Variants in SLC16A10 observed in about 807,000 individuals in gnomAD.
SLC16A10 encodes solute carrier family 16 member 10.
Under a neutral mutation model 40.0 loss-of-function variants are expected in SLC16A10, and 27 were observed. The observed-to-expected ratio is 0.67, with a 90% CI of 0.50 to 0.93. The LOEUF is 0.93. Among genes scored for constraint, SLC16A10 ranks in the 40% least tolerant of loss-of-function variants. The probability of loss-of-function intolerance (pLI) is 0.00; values close to 1 mark genes in which losing one functional copy is unlikely to be tolerated. For synonymous variants in SLC16A10, 213 were observed against 249.8 expected, an observed-to-expected ratio of 0.85 and a Z score of 1.39; for missense variants, 529 against 658.2, an observed-to-expected ratio of 0.80 and a Z score of 2.15.
chr6:111,092,997 C>T lies in SLC16A10; in HGVS notation c.343+4902C>T, dbSNP rs139475813. Among the ~76,000 whole-genome samples the T allele has an allele frequency of 7.0e-3, 1,042 of 148,798 alleles. 14 individuals carry two copies. The highest frequency in any genetic ancestry group is 0.024 in the African/African-American group (976 of 40,152). ...CAGAGGTTGTAGTGAGCCAAGATGG[C>T]GCCACTGTACTCCAGCATGGGCAAC... On this transcript the variant is annotated intron_variant, in intron 1 of 5. Coordinates refer to ENST00000368851, the MANE Select transcript of SLC16A10 (RefSeq NM_018593.5).
chr6:111,185,325 CTAT>C (rs996600103), intron 3 of SLC16A10, among the ~76,000 whole-genome samples: 6 of 152,144 alleles, frequency 3.9e-5, no homozygotes, highest in African/African-American at 1.4e-4. Flanking sequence ...AGGAGTGCTG[CTAT>C]TTTCAGCCAT....
At chr6:111,185,342 G>A (rs1772876489) in intron 3 of SLC16A10, among the ~76,000 whole-genome samples, 1 of 152,046 alleles carries the variant, frequency 6.6e-6, no homozygotes, top group African/African-American at 2.4e-5. Flanking sequence ...CAGCCATACT[G>A]GGCCTACACC....
intron 3 of SLC16A10, among the ~76,000 whole-genome samples, chr6:111,205,297 A>G (rs1773236621): frequency 6.6e-6 from 1 of 152,196 alleles, no homozygotes; most frequent in Non-Finnish European, 1.5e-5. Flanking sequence ...CCACATGGGC[A>G]CTATATGGGT....
At chr6:111,147,832 C>T (rs1023060518) in intron 1 of SLC16A10, among the ~76,000 whole-genome samples, 3 of 152,140 alleles carry the variant, frequency 2.0e-5, no homozygotes, top group Admixed American at 6.5e-5. Flanking sequence ...CCAGCACAAA[C>T]GCCATTAAGT....
chr6:111,173,946 A>G (rs1178959752), intron 2 of SLC16A10, among the ~76,000 whole-genome samples: 1 of 152,224 alleles, frequency 6.6e-6, no homozygotes, highest in Admixed American at 6.5e-5. Context: ...CTCTGGTGCC[A>G]AAAAGATTGG....
intron 1 of SLC16A10, among the ~76,000 whole-genome samples, chr6:111,157,286 T>C (rs534083878): frequency 1.3e-5 from 2 of 151,796 alleles, no homozygotes; most frequent in Non-Finnish European, 2.9e-5. Context: ...AAAACTTGGT[T>C]GTTGTTGTTG....
chr6:111,094,163 G>T (rs1017159033), intron 1 of SLC16A10, among the ~76,000 whole-genome samples: 8 of 152,156 alleles, frequency 5.3e-5, no homozygotes, highest in African/African-American at 1.7e-4. Context: ...CTTTTGATGT[G>T]ATTTGCTACA....
intron 1 of SLC16A10, among the ~76,000 whole-genome samples, chr6:111,102,504 G>T (rs958991716): frequency 6.6e-6 from 1 of 152,108 alleles, no homozygotes; most frequent in African/African-American, 2.4e-5. Context: ...AAATACAAGA[G>T]GACATATGCC....
chr6:111,181,409 A>G (rs1324418057), intron 3 of SLC16A10, among the ~76,000 whole-genome samples: 4 of 152,194 alleles, frequency 2.6e-5, no homozygotes, highest in Non-Finnish European at 4.4e-5. Context: ...GTTCTGGCAT[A>G]AAAATGGGAG....
At chr6:111,203,815 A>G (rs560494919) in intron 3 of SLC16A10, among the ~76,000 whole-genome samples, 1 of 152,118 alleles carries the variant, frequency 6.6e-6, no homozygotes, top group Non-Finnish European at 1.5e-5. Flanking sequence ...GATTTACCCA[A>G]TTTATCTTCT....
At chr6:111,196,007 A>C (rs1014206840) in intron 3 of SLC16A10, among the ~76,000 whole-genome samples, 5 of 152,300 alleles carry the variant, frequency 3.3e-5, no homozygotes, top group African/African-American at 1.2e-4. Context: ...GGAAAAAAAA[A>C]CAATAAAAAA....
intron 3 of SLC16A10, among the ~76,000 whole-genome samples, chr6:111,197,407 G>T (rs556534766): frequency 9.1e-4 from 139 of 152,264 alleles, no homozygotes; most frequent in African/African-American, 3.3e-3. Flanking sequence ...AAATCTTTAA[G>T]TTAAAATTTC....
At chr6:111,144,096 G>A (rs1000327546) in intron 1 of SLC16A10, among the ~76,000 whole-genome samples, 2 of 151,978 alleles carry the variant, frequency 1.3e-5, no homozygotes, top group Non-Finnish European at 2.9e-5. Context: ...GGAGGTATAC[G>A]AGAAATCTGT....
At chr6:111,209,596 A>T (rs1197088416) in intron 4 of SLC16A10, among the ~76,000 whole-genome samples, 1 of 152,082 alleles carries the variant, frequency 6.6e-6, no homozygotes, top group Admixed American at 6.6e-5. Flanking sequence ...TCTGGATAAG[A>T]GGCCTGTGGG....
chr6:111,148,662 T>C (rs1452284051), intron 1 of SLC16A10, among the ~76,000 whole-genome samples: 2 of 152,214 alleles, frequency 1.3e-5, no homozygotes, highest in Non-Finnish European at 2.9e-5. Context: ...TTTACAGAAG[T>C]TGGGCTGCTC....
intron 1 of SLC16A10, among the ~76,000 whole-genome samples, chr6:111,128,636 G>A (rs1161210962): frequency 6.6e-6 from 1 of 152,140 alleles, no homozygotes; most frequent in Non-Finnish European, 1.5e-5. Context: ...CAGTAAGGAA[G>A]GCTTTTTATT....
rs769278194 is a variant in SLC16A10 at position 111,172,662 on chromosome 6, A to G, written c.344-33A>G. On this transcript the variant is annotated intron_variant, in intron 1 of 5. Transcript: ENST00000368851. ...AAATACAAATATAACTTACCATGTCATAATTCCCCCCACGCTTTCCCTTCT... is the reference window on the plus strand; with the variant it reads ...AAATACAAATATAACTTACCATGTCGTAATTCCCCCCACGCTTTCCCTTCT... 8.7e-6 allele frequency: 14 copies of G among 1,602,266 alleles called. No homozygotes were observed. In the South Asian group the frequency reaches 1.2e-4, roughly 14 times the overall value.
chr6:111,201,810 G>A (rs941115691), intron 3 of SLC16A10, among the ~76,000 whole-genome samples: 2 of 152,160 alleles, frequency 1.3e-5, no homozygotes, highest in African/African-American at 2.4e-5. Flanking sequence ...AGTGATTTGG[G>A]GTTCCCTTCT....
intron 3 of SLC16A10, among the ~76,000 whole-genome samples, chr6:111,196,646 AAAC>A (rs557632904): frequency 3.0e-4 from 46 of 152,252 alleles, no homozygotes; most frequent in African/African-American, 1.0e-3. Flanking sequence ...ACATCTCTAC[AAAC>A]AACAACAACA....
Sources: allele counts gnomAD v4.1 joint callset (sites outside exome capture counted in the v4.1 genomes callset), GRCh38; gene constraint gnomAD v4.1.1; transcripts MANE v1.5; gene names NCBI Gene and HGNC (gene_info 2026-07-23, HGNC 2026-07-21).